Variants in TOP6BL observed in about 807,000 individuals in gnomAD.
TOP6BL encodes the protein type 2 DNA topoisomerase 6 subunit B-like.
At chr11:66,832,638 C>T in the TOP6BL span, among the ~76,000 whole-genome samples, 2 of 152,244 alleles carry the variant, frequency 1.3e-5, no homozygotes, top group African/African-American at 4.8e-5. Context: ...GTGCCTTCTA[C>T]GATGCACTTC....
chr11:66,793,677 C>T, the TOP6BL span, among the ~76,000 whole-genome samples: 1 of 151,892 alleles, frequency 6.6e-6, no homozygotes, highest in African/African-American at 2.4e-5. Context: ...AACTCCTGAC[C>T]TCAGGTGATC....
chr11:66,796,093 A>C, the TOP6BL span: 1 of 552,892 alleles, frequency 1.8e-6, no homozygotes, highest in Non-Finnish European at 3.2e-6. Flanking sequence ...TAGATACTCT[A>C]ACCCAAGAAG....
At chr11:66,748,837 CT>C in the TOP6BL span, among the ~76,000 whole-genome samples, 4 of 136,690 alleles carry the variant, frequency 2.9e-5, no homozygotes, top group South Asian at 4.4e-4. Flanking sequence ...GCTTTACCTA[CT>C]TTTTTTTTCC....
chr11:66,762,760 C>T, the TOP6BL span, among the ~76,000 whole-genome samples: 6 of 152,156 alleles, frequency 3.9e-5, no homozygotes, highest in African/African-American at 9.7e-5. Context: ...TGAGCCACCG[C>T]GCCCGGCCAA....
At chr11:66,787,575 C>T in the TOP6BL span, among the ~76,000 whole-genome samples, 5 of 147,944 alleles carry the variant, frequency 3.4e-5, no homozygotes, top group East Asian at 2.0e-4. Flanking sequence ...AAAAGCCTAG[C>T]GGGGCATGGT....
At chr11:66,744,978 G>C in the TOP6BL span, 1 of 1,238,256 alleles carries the variant, frequency 8.1e-7, no homozygotes, top group Non-Finnish European at 1.0e-6. Flanking sequence ...GGCTTTGTGA[G>C]GAGACCGCGA....
At chr11:66,759,112 A>T in the TOP6BL span, 2 of 1,490,048 alleles carry the variant, frequency 1.3e-6, no homozygotes, top group Non-Finnish European at 1.8e-6. Context: ...GAATTACCTA[A>T]CTTCCATGAG....
At chr11:66,815,986 C>T in the TOP6BL span, 11 of 1,448,748 alleles carry the variant, frequency 7.6e-6, no homozygotes, top group Non-Finnish European at 9.4e-6. Context: ...AATACAGGTT[C>T]TGTAGTCACT....
the TOP6BL span, among the ~76,000 whole-genome samples, chr11:66,789,322 T>G: frequency 6.6e-6 from 1 of 152,220 alleles, no homozygotes; most frequent in African/African-American, 2.4e-5. Context: ...GGGTGATAAT[T>G]CATTCTCCAT....
chr11:66,801,865 A>G, the TOP6BL span, among the ~76,000 whole-genome samples: 2 of 152,226 alleles, frequency 1.3e-5, no homozygotes, highest in African/African-American at 2.4e-5. Flanking sequence ...TAAAAAATCC[A>G]TGGAGGAGGT....
the TOP6BL span, among the ~76,000 whole-genome samples, chr11:66,749,791 C>G: frequency 6.6e-6 from 1 of 152,084 alleles, no homozygotes; most frequent in African/African-American, 2.4e-5. Flanking sequence ...AGGCTGGTCT[C>G]AAACTCCTGA....
At chr11:66,843,413 C>G in the TOP6BL span, 4 of 1,409,152 alleles carry the variant, frequency 2.8e-6, no homozygotes, top group South Asian at 1.6e-5. Context: ...ACCCACACCT[C>G]CCTGGGACTG....
the TOP6BL span, among the ~76,000 whole-genome samples, chr11:66,773,018 C>G: frequency 2.0e-5 from 3 of 152,000 alleles, no homozygotes; most frequent in Admixed American, 6.6e-5. Flanking sequence ...CTGATTTTTT[C>G]CTTCCTAGGA....
At chr11:66,814,290 G>A in the TOP6BL span, among the ~76,000 whole-genome samples, 1 of 151,912 alleles carries the variant, frequency 6.6e-6, no homozygotes, top group Non-Finnish European at 1.5e-5. Flanking sequence ...ACAGAGTCTT[G>A]CTCTGTTGCC....
At chr11:66,761,802 C>A in the TOP6BL span, 5 of 814,106 alleles carry the variant, frequency 6.1e-6, no homozygotes, top group South Asian at 6.6e-5. Flanking sequence ...AAGCTAACTT[C>A]CCTGATAGAG....
At chr11:66,787,114 A>G in the TOP6BL span, among the ~76,000 whole-genome samples, 3 of 151,840 alleles carry the variant, frequency 2.0e-5, no homozygotes, top group African/African-American at 7.3e-5. Context: ...TTGTATTATT[A>G]GTAGAGACGG....
chr11:66,833,990 C>T, the TOP6BL span, among the ~76,000 whole-genome samples: 1 of 151,918 alleles, frequency 6.6e-6, no homozygotes, highest in Non-Finnish European at 1.5e-5. Flanking sequence ...TGTTCTTTTG[C>T]TATAGTCATG....
the TOP6BL span, among the ~76,000 whole-genome samples, chr11:66,800,427 T>G: frequency 5.9e-5 from 9 of 152,224 alleles, no homozygotes; most frequent in African/African-American, 2.2e-4. Flanking sequence ...GTGATAGATG[T>G]TAATCTACTT....
the TOP6BL span, among the ~76,000 whole-genome samples, chr11:66,816,392 C>A: frequency 6.6e-6 from 1 of 152,168 alleles, no homozygotes; most frequent in Non-Finnish European, 1.5e-5. Flanking sequence ...TAAATGATGA[C>A]ATTTCTAGTC....
Sources: gnomAD v4.1 joint callset for allele counts (sites outside exome capture counted in the v4.1 genomes callset) on GRCh38, gnomAD v4.1.1 for gene constraint, MANE v1.5 for transcripts, NCBI Gene and HGNC (gene_info 2026-07-23, HGNC 2026-07-21) for gene names.